TACR3: variants seen among roughly 807,000 people sequenced by gnomAD.
TACR3 encodes the protein neuromedin-K receptor.
A neutral mutation model predicts 35.0 loss-of-function variants in TACR3; 34 were observed. The ratio of observed to expected loss-of-function variants is 0.97; its 90% CI spans 0.74 to 1.30. TACR3 has a LOEUF of 1.30. Ranked by LOEUF, TACR3 falls within the 50% of genes most tolerant of loss-of-function variation. The pLI is 0.00. For synonymous variants in TACR3, 233 were observed against 221.1 expected (o/e 1.05, Z -0.48); for missense variants, 558 against 591.7 (o/e 0.94, Z 0.59).
intron 3 of TACR3, among the ~76,000 whole-genome samples, chr4:103,597,425 C>CTGCTTGT (rs1724058300): frequency 6.6e-6 from 1 of 152,010 alleles, no homozygotes; most frequent in Non-Finnish European, 1.5e-5. Context: ...CACAACAAAA[C>CTGCTTGT]TGCTTGTTTT....
intron 3 of TACR3, among the ~76,000 whole-genome samples, chr4:103,614,980 C>T (rs1431243608): frequency 2.7e-5 from 4 of 147,696 alleles, no homozygotes; most frequent in African/African-American, 5.0e-5. Flanking sequence ...CTGCAAGCTC[C>T]GCCTCCCAGG....
rs146862801 is a variant in TACR3 at position 103,668,266 on chromosome 4, CT to C, written c.549-9864del. ...TATAGGTTTCCCAGCACATTTAAAG[CT>C]TATGTTTCCACTGTACTGTAGTCTA... On this transcript the variant is annotated intron_variant, in intron 1 of 4. Coordinates refer to ENST00000304883, the MANE Select transcript of TACR3 (RefSeq NM_001059.3). Among the ~76,000 whole-genome samples, 1,234 of 152,258 alleles carry C rather than the reference CT, an allele frequency of 8.1e-3. 20 individuals carry two copies. Among genetic ancestry groups the C allele is most frequent in the African/African-American group, 0.028 (1,181 of 41,560 alleles).
intron 3 of TACR3, among the ~76,000 whole-genome samples, chr4:103,607,684 G>T (rs958786715): frequency 6.6e-6 from 1 of 151,996 alleles, no homozygotes; most frequent in Admixed American, 6.6e-5. Context: ...ATACATTTTA[G>T]ATGATATTTA....
rs190670233 is a variant in TACR3 at position 103,633,887 on chromosome 4, A to G, written c.888+22307T>C. 5.5e-4 allele frequency among the ~76,000 whole-genome samples: 84 copies of G among 151,726 alleles called. No homozygotes were observed. The Middle Eastern group carries it at 0.017, about 31-fold the overall frequency. ...CCTAACTTTAGTTAGTTCTTTTTTT[A>G]AAAAAAGCAAGTCTTTCAAAATAGA... On this transcript the variant is annotated intron_variant, in intron 3 of 4. Transcript: ENST00000304883.
intron 1 of TACR3, among the ~76,000 whole-genome samples, chr4:103,677,090 C>A (rs1726185897): frequency 6.6e-6 from 1 of 152,080 alleles, no homozygotes; most frequent in East Asian, 1.9e-4. Flanking sequence ...ATACATGTGG[C>A]CAACAAACAT....
intron 3 of TACR3, among the ~76,000 whole-genome samples, chr4:103,640,295 G>T (rs981953779): frequency 2.0e-5 from 3 of 151,972 alleles, no homozygotes; most frequent in African/African-American, 7.2e-5. Context: ...ATAAATGCAA[G>T]AAATTTAAAA....
chr4:103,695,125 T>A (rs1481911500), intron 1 of TACR3, among the ~76,000 whole-genome samples: 1 of 152,226 alleles, frequency 6.6e-6, no homozygotes, highest in Non-Finnish European at 1.5e-5. Flanking sequence ...ACTATGGTTT[T>A]GTTGGAATTA....
rs768209062 is a variant in TACR3, at chr4:103,656,302, C to T, written c.780G>A (p.Leu260=). The stretch of plus-strand genomic sequence containing the variant: ...TGGTGTATGTAATACCCATGATGAG[C>T]AATGGGAAACAGTACACCAGTATAA... The part of the protein sequence containing the change: ...IVIILVYCFP[L]LIMGITYTIV... Residue 260 remains leucine, a synonymous_variant, in exon 3 of 5, where the codon TTG becomes TTA. Transcript: ENST00000304883. 9 of 1,612,372 alleles carry T rather than the reference C, an allele frequency of 5.6e-6. No homozygotes were observed. The East Asian group carries it at 1.8e-4, about 32-fold the overall frequency.
At chr4:103,599,579 T>C (rs1205015697) in intron 3 of TACR3, among the ~76,000 whole-genome samples, 1 of 152,214 alleles carries the variant, frequency 6.6e-6, no homozygotes, top group African/African-American at 2.4e-5. Flanking sequence ...CAGTATGATA[T>C]TGGCTGTGGG....
rs766282332 is a variant in TACR3, at chr4:103,719,515, G to A, written c.161C>T (p.Ser54Phe). The change falls in exon 1 of 5, where the codon TCC (serine) becomes TTC (phenylalanine). Residue 54 changes from serine (S) to phenylalanine (F), a missense_variant. Coordinates refer to ENST00000304883, the MANE Select transcript of TACR3 (RefSeq NM_001059.3). ...LLDQAGNLSSSPSALGLPVAS... is the reference protein window; with the variant it reads ...LLDQAGNLSSFPSALGLPVAS... ...CACAGGCAGTCCCAGCGCGGAAGGG[G>A]AGGAGGAGAGGTTGCCAGCTTGGTC... 1 of 1,609,632 alleles carries A rather than the reference G, an allele frequency of 6.2e-7. No homozygotes were observed.
At chr4:103,675,579 C>T (rs1726150591) in intron 1 of TACR3, among the ~76,000 whole-genome samples, 1 of 152,006 alleles carries the variant, frequency 6.6e-6, no homozygotes, top group African/African-American at 2.4e-5. Context: ...GTGGGTACCC[C>T]ACTTCTTCAG....
intron 3 of TACR3, among the ~76,000 whole-genome samples, chr4:103,622,048 C>G (rs1724794542): frequency 6.6e-6 from 1 of 152,142 alleles, no homozygotes; most frequent in Non-Finnish European, 1.5e-5. Context: ...GAGGAATGGT[C>G]TGCAGAGAGA....
chr4:103,658,289 A>G lies in TACR3; in HGVS notation c.663T>C (p.Tyr221=). 1 of 1,614,004 alleles carries G rather than the reference A, an allele frequency of 6.2e-7. No individual in the cohort carries two copies. Among genetic ancestry groups the G allele is most frequent in the Non-Finnish European group, 8.5e-7 (1 of 1,179,940 alleles). ...GGCCTGGCATGACTTTGGTTTTGGA[A>G]TAAAGACACTGAGGGAAGGCAAGTA... ...AFLLAFPQCL[Y]SKTKVMPGRT... Residue 221 remains tyrosine, a synonymous_variant, in exon 2 of 5, where the codon TAT becomes TAC. Coordinates refer to ENST00000304883, the MANE Select transcript of TACR3 (RefSeq NM_001059.3).
chr4:103,653,223 T>A (rs1725662850), intron 3 of TACR3, among the ~76,000 whole-genome samples: 1 of 152,130 alleles, frequency 6.6e-6, no homozygotes, highest in South Asian at 2.1e-4. Context: ...ACTCCCAGTC[T>A]GAATTAGTAT....
At position 103,586,709 on chromosome 4, in the gene TACR3, T is replaced by C. The variant is rs1245863823; in HGVS notation, c.*2973A>G. ...AGCTGCTGGGTCAGAAATGTCACCA[T>C]CATGAAGTTAGAAGATGGAATAATG... On this transcript the variant is annotated 3_prime_UTR_variant, in exon 5 of 5. Coordinates refer to ENST00000304883, the MANE Select transcript of TACR3 (RefSeq NM_001059.3). The C allele has an allele frequency of 6.6e-6, 1 of 152,012 alleles. No homozygotes were observed. Among genetic ancestry groups the C allele is most frequent in the Non-Finnish European group, 1.5e-5 (1 of 68,006 alleles). The allele number at this position is 152,012 out of a possible 1,614,324, so 9.4% of individuals were successfully genotyped here.
At chr4:103,641,732 A>T (rs907590649) in intron 3 of TACR3, among the ~76,000 whole-genome samples, 2 of 151,976 alleles carry the variant, frequency 1.3e-5, no homozygotes, top group African/African-American at 4.8e-5. Flanking sequence ...ACCTATGTAT[A>T]CATCAGTGGA....
intron 3 of TACR3, among the ~76,000 whole-genome samples, chr4:103,610,235 T>G (rs540365630): frequency 7.3e-4 from 111 of 152,210 alleles, no homozygotes; most frequent in African/African-American, 2.4e-3. Flanking sequence ...AGTTTGTCCC[T>G]CCAATAGTGT....
chr4:103,709,406 A>G (rs1461311320), intron 1 of TACR3, among the ~76,000 whole-genome samples: 3 of 152,200 alleles, frequency 2.0e-5, no homozygotes, highest in African/African-American at 7.2e-5. Flanking sequence ...CAGCCAAACT[A>G]AGCTTCATAA....
At chr4:103,655,020 T>A (rs1725703558) in intron 3 of TACR3, among the ~76,000 whole-genome samples, 1 of 152,150 alleles carries the variant, frequency 6.6e-6, no homozygotes, top group Non-Finnish European at 1.5e-5. Context: ...TAAAGCTTTT[T>A]GAAAGAAAAA....
Sources: gnomAD v4.1 joint callset for allele counts (sites outside exome capture counted in the v4.1 genomes callset) on GRCh38, gnomAD v4.1.1 for gene constraint, MANE v1.5 for transcripts, NCBI Gene and HGNC (gene_info 2026-07-23, HGNC 2026-07-21) for gene names.